The following SCRG1 variants were observed in gnomAD, a reference collection of about 807,000 sequenced individuals.
SCRG1 encodes stimulator of chondrogenesis 1.
A neutral mutation model predicts 7.7 loss-of-function variants in SCRG1; 3 were observed. That is an observed-to-expected ratio of 0.39 (90% confidence interval 0.18 to 1.01). The LOEUF (loss-of-function observed/expected upper bound fraction) is 1.01. Ranked by LOEUF, SCRG1 falls within the 50% of genes least tolerant of loss-of-function variation. The probability of loss-of-function intolerance (pLI) is 0.36; values close to 1 mark genes in which losing one functional copy is unlikely to be tolerated. For synonymous variants in SCRG1, 46 were observed against 41.2 expected, an observed-to-expected ratio of 1.12 and a Z score of -0.44; for missense variants, 110 against 117.2, an observed-to-expected ratio of 0.94 and a Z score of 0.28.
At chr4:173,489,616 C>CA in the SCRG1 span, among the ~76,000 whole-genome samples, 2 of 152,024 alleles carry the variant, frequency 1.3e-5, no homozygotes, top group African/African-American at 4.8e-5. Context: ...TGGTACAATT[C>CA]AACCAGGATT....
At chr4:173,420,197 G>A in the SCRG1 span, 1 of 372,930 alleles carries the variant, frequency 2.7e-6, no homozygotes, top group South Asian at 2.3e-5. Flanking sequence ...CGGCCCTAGT[G>A]GGGGAAAAGG....
At chr4:173,484,605 G>GTATATATTATATGCATGTAA in the SCRG1 span, among the ~76,000 whole-genome samples, 3 of 79,458 alleles carry the variant, frequency 3.8e-5, no homozygotes, top group Non-Finnish European at 6.1e-5. Flanking sequence ...ATTTTATGTA[G>GTATATATTATATGCATGTAA]TATATATTAT....
At chr4:173,483,242 G>GATATATAATATATT in the SCRG1 span, among the ~76,000 whole-genome samples, 5 of 55,940 alleles carry the variant, frequency 8.9e-5, no homozygotes, top group Admixed American at 3.0e-4. Flanking sequence ...TATAATATAT[G>GATATATAATATATT]ATATATCATA....
chr4:173,425,735 C>G, the SCRG1 span, among the ~76,000 whole-genome samples: 1 of 152,244 alleles, frequency 6.6e-6, no homozygotes, highest in Non-Finnish European at 1.5e-5. Context: ...AGTGCCAATT[C>G]ACTCATGGAA....
chr4:173,428,540 C>A, the SCRG1 span, among the ~76,000 whole-genome samples: 1 of 152,178 alleles, frequency 6.6e-6, no homozygotes, highest in Non-Finnish European at 1.5e-5. Context: ...TTCATGGAGG[C>A]TGTACACCTA....
At chr4:173,465,151 A>G in the SCRG1 span, among the ~76,000 whole-genome samples, 5 of 152,210 alleles carry the variant, frequency 3.3e-5, no homozygotes, top group Non-Finnish European at 7.4e-5. Context: ...AGGTGAAAAC[A>G]CTGGAAATAG....
At chr4:173,404,189 T>C (rs1024357427) in exon 3 of SCRG1, 1 of 152,204 alleles carries the variant, frequency 6.6e-6, no homozygotes, top group African/African-American at 2.4e-5. Flanking sequence ...AACTGTGCTC[T>C]TAGCCTGCTG....
chr4:173,432,734 T>C, the SCRG1 span, among the ~76,000 whole-genome samples: 3 of 151,964 alleles, frequency 2.0e-5, no homozygotes, highest in Admixed American at 1.3e-4. Context: ...GAGTAGAGTT[T>C]CTTTTTACCT....
chr4:173,412,318 G>C, the SCRG1 span, among the ~76,000 whole-genome samples: 1 of 152,276 alleles, frequency 6.6e-6, no homozygotes, highest in East Asian at 1.9e-4. Context: ...GAGTAGTTCC[G>C]CAAATCTCAA....
chr4:173,442,715 G>A, the SCRG1 span, among the ~76,000 whole-genome samples: 1 of 152,186 alleles, frequency 6.6e-6, no homozygotes, highest in Non-Finnish European at 1.5e-5. Flanking sequence ...CGCATCTGGT[G>A]AGGGCCTTCT....
chr4:173,505,761 G>C, the SCRG1 span, among the ~76,000 whole-genome samples: 1 of 152,198 alleles, frequency 6.6e-6, no homozygotes, highest in South Asian at 2.1e-4. The surrounding 1 kb of genome is among the most constrained non-coding windows in gnomAD (Gnocchi z 4.4). Flanking sequence ...GAAAGAAGGC[G>C]TGAAGCAACG....
upstream of SCRG1, among the ~76,000 whole-genome samples, chr4:173,402,874 A>G (rs1739797434): frequency 6.6e-6 from 1 of 152,212 alleles, no homozygotes; most frequent in Non-Finnish European, 1.5e-5. Flanking sequence ...CACTTATTGA[A>G]AACTAACTCA....
chr4:173,415,329 G>A, the SCRG1 span, among the ~76,000 whole-genome samples: 1 of 152,202 alleles, frequency 6.6e-6, no homozygotes, highest in Non-Finnish European at 1.5e-5. Context: ...TGAGTAACTA[G>A]AACAGAGATG....
chr4:173,517,751 G>A, the SCRG1 span, among the ~76,000 whole-genome samples: 9 of 152,360 alleles, frequency 5.9e-5, no homozygotes, highest in African/African-American at 2.2e-4. Flanking sequence ...AGATTGGACT[G>A]GAGGTCTTCT....
At chr4:173,437,230 A>G in the SCRG1 span, among the ~76,000 whole-genome samples, 1 of 152,200 alleles carries the variant, frequency 6.6e-6, no homozygotes, top group Non-Finnish European at 1.5e-5. Context: ...GCAATTTACT[A>G]TGTAAGACAC....
the SCRG1 span, among the ~76,000 whole-genome samples, chr4:173,454,530 T>G: frequency 5.0e-4 from 76 of 152,220 alleles, no homozygotes; most frequent in African/African-American, 1.7e-3. Flanking sequence ...CAAGGCAAAC[T>G]TGGTAGATAA....
chr4:173,462,147 G>A, the SCRG1 span, among the ~76,000 whole-genome samples: 2 of 152,044 alleles, frequency 1.3e-5, no homozygotes, highest in Non-Finnish European at 2.9e-5. Flanking sequence ...TTATTCAAAC[G>A]GATAATAGAA....
At chr4:173,470,126 T>TC in the SCRG1 span, 2 of 15,560 alleles carry the variant, frequency 1.3e-4, no homozygotes, top group African/African-American at 1.6e-4. Context: ...CTTTCTTTTT[T>TC]TTTTTTTTTT....
chr4:173,457,215 G>T, the SCRG1 span, among the ~76,000 whole-genome samples: 1 of 152,180 alleles, frequency 6.6e-6, no homozygotes, highest in Non-Finnish European at 1.5e-5. Context: ...CACAAAGCAC[G>T]GTCATGCCCT....
Sources: gnomAD v4.1 joint callset for allele counts (sites outside exome capture counted in the v4.1 genomes callset) on GRCh38, gnomAD v4.1.1 for gene constraint, Gnocchi (gnomAD v3.1) non-coding constraint, MANE v1.5 for transcripts, NCBI Gene and HGNC (gene_info 2026-07-23, HGNC 2026-07-21) for gene names.